Variants in FAM184B observed in about 807,000 individuals in gnomAD.
The protein encoded by FAM184B is family with sequence similarity 184 member B, also known as protein FAM184B.
A neutral mutation model predicts 135.9 loss-of-function variants in FAM184B; 111 were observed. The ratio of observed to expected loss-of-function variants is 0.82; its 90% CI spans 0.70 to 0.96. The LOEUF (loss-of-function observed/expected upper bound fraction) is 0.96, where lower values mean the gene tolerates loss of function less well. Ranked by LOEUF, FAM184B falls within the 40% of genes least tolerant of loss-of-function variation. The pLI is 0.00. For synonymous variants in FAM184B, 552 were observed against 524.8 expected (o/e 1.05, Z -0.71); for missense variants, 1,375 against 1,323.9 (o/e 1.04, Z -0.60).
intron 1 of FAM184B, among the ~76,000 whole-genome samples, chr4:17,720,464 T>A (rs1395800033): frequency 6.6e-6 from 1 of 152,170 alleles, no homozygotes; most frequent in African/African-American, 2.4e-5. Context: ...TTCATGCTCA[T>A]TAGAATGGCT....
intron 13 of FAM184B, among the ~76,000 whole-genome samples, chr4:17,640,467 G>A (rs1453362751): frequency 7.1e-6 from 1 of 140,004 alleles, no homozygotes; most frequent in Non-Finnish European, 1.5e-5. Context: ...CTGGGCAAAA[G>A]AGCAAGACTG....
chr4:17,730,830 A>T (rs1717758528), intron 1 of FAM184B, among the ~76,000 whole-genome samples: 1 of 152,170 alleles, frequency 6.6e-6, no homozygotes, highest in Admixed American at 6.5e-5. Flanking sequence ...AAGAAGTTAA[A>T]AACTTTGAAA....
chr4:17,672,210 C>T (rs982514909), intron 7 of FAM184B, among the ~76,000 whole-genome samples: 1 of 151,940 alleles, frequency 6.6e-6, no homozygotes, highest in Non-Finnish European at 1.5e-5. Flanking sequence ...CATTTTCCAG[C>T]AGAAAACTTG....
Position 17,659,599 on chromosome 4 carries a change from G to T in FAM184B, c.1824+359C>A, listed in dbSNP as rs568519313. Among the ~76,000 whole-genome samples the T allele has an allele frequency of 2.0e-5, 3 of 152,174 alleles. No homozygotes were observed. In the South Asian group the frequency reaches 6.2e-4, roughly 32 times the overall value. On this transcript the variant is annotated intron_variant, in intron 9 of 17. Transcript: ENST00000265018. ...CCTCCCAGGTTCAAGCAATTCTCCTGCCTCAGCCTCCCGAGTAGCTGGGAT... is the reference window on the plus strand; with the variant it reads ...CCTCCCAGGTTCAAGCAATTCTCCTTCCTCAGCCTCCCGAGTAGCTGGGAT...
chr4:17,773,271 A>G (rs938001208), intron 1 of FAM184B, among the ~76,000 whole-genome samples: 29 of 152,232 alleles, frequency 1.9e-4, no homozygotes, highest in African/African-American at 6.8e-4. Flanking sequence ...TTTGCAAAGT[A>G]TGCAAAACTA....
rs1248002490 is a variant in FAM184B, at chr4:17,632,591, C to T, written c.3124G>A (p.Val1042Ile). Residue 1042 changes from valine to isoleucine, a missense_variant, in exon 18 of 18, where the codon GTC becomes ATC. Physicochemically the swap from Val to Ile is conservative, Grantham distance 29. Coordinates refer to ENST00000265018, the MANE Select transcript of FAM184B (RefSeq NM_015688.2). Reference sequence around the variant, plus strand: ...TGCGGAGAGCCCTGTTTCTGCTGGACTTCTTTGGCTTGGGCCGTTTCACCA... The same window carrying T: ...TGCGGAGAGCCCTGTTTCTGCTGGATTTCTTTGGCTTGGGCCGTTTCACCA... ...PDGETAQAKE[V>I]QQKQGSPHQE... 6.4e-7 allele frequency: 1 copy of T among 1,551,174 alleles called. No homozygotes were observed. Among genetic ancestry groups the T allele is most frequent in the South Asian group, 1.2e-5 (1 of 84,052 alleles).
At chr4:17,758,777 A>G (rs1718479053) in intron 1 of FAM184B, among the ~76,000 whole-genome samples, 1 of 152,128 alleles carries the variant, frequency 6.6e-6, no homozygotes, top group African/African-American at 2.4e-5. Context: ...CCCCCTTCCC[A>G]CAGCACTCTG....
intron 1 of FAM184B, among the ~76,000 whole-genome samples, chr4:17,748,505 A>ATT (rs34998803): frequency 0.016 from 1,552 of 98,476 alleles, 133 homozygotes; most frequent in African/African-American, 0.047. Flanking sequence ...CTCTTGTGTA[A>ATT]TTTTTTTTTT....
chr4:17,705,238 C>T (rs1340987362), intron 4 of FAM184B, 32 bp from the exon 5 acceptor site: 1 of 1,508,932 alleles, frequency 6.6e-7, no homozygotes, highest in African/African-American at 1.4e-5. Context: ...TGTAAAACCA[C>T]TGGGGAGGGG....
intron 7 of FAM184B, among the ~76,000 whole-genome samples, chr4:17,665,642 G>A (rs1006951121): frequency 9.2e-5 from 14 of 152,174 alleles, no homozygotes; most frequent in African/African-American, 3.1e-4. Flanking sequence ...GGTAGGAAGG[G>A]GCAGAGCTGA....
Position 17,659,737 on chromosome 4 carries a change from C to T in FAM184B, c.1824+221G>A, listed in dbSNP as rs542007042. Among the ~76,000 whole-genome samples the T allele has an allele frequency of 7.9e-5, 12 of 152,282 alleles. No individual in the cohort carries two copies. In the South Asian group the frequency reaches 1.9e-3, roughly 24 times the overall value. ...CTGACCTCAAGTGATCTGCCCCCCT[C>T]GGCCTCCCAAAGTGCTGAGATTACA... On this transcript the variant is annotated intron_variant, in intron 9 of 17. Coordinates refer to ENST00000265018, the MANE Select transcript of FAM184B (RefSeq NM_015688.2).
intron 11 of FAM184B, among the ~76,000 whole-genome samples, chr4:17,651,194 T>C (rs969254344): frequency 2.6e-5 from 4 of 152,100 alleles, no homozygotes; most frequent in Non-Finnish European, 5.9e-5. Context: ...GGGACAGGGA[T>C]GATCTACAAA....
rs1716479232 is a variant in FAM184B at position 17,682,733 on chromosome 4, A to T, written c.1596+5691T>A. ...AGGCTGGTCTTGAACTCCTGGCCTC[A>T]AGTGATCCACCTGCCTCCGTCTCTC... On this transcript the variant is annotated intron_variant, in intron 7 of 17. Coordinates refer to ENST00000265018, the MANE Select transcript of FAM184B (RefSeq NM_015688.2). 2.0e-5 allele frequency among the ~76,000 whole-genome samples: 3 copies of T among 152,240 alleles called. No homozygotes were observed. The South Asian group carries it at 6.2e-4, about 32-fold the overall frequency.
intron 1 of FAM184B, among the ~76,000 whole-genome samples, chr4:17,721,549 AG>A (rs1204613709): frequency 6.6e-6 from 1 of 152,122 alleles, no homozygotes; most frequent in Admixed American, 6.5e-5. Context: ...AGTAGCGCAA[AG>A]GCATGGCATA....
chr4:17,651,342 C>CCT (rs1332583460), intron 11 of FAM184B, among the ~76,000 whole-genome samples: 1 of 151,824 alleles, frequency 6.6e-6, no homozygotes, highest in Non-Finnish European at 1.5e-5. Context: ...TCGAGACCAT[C>CCT]CTGGCTAACA....
At chr4:17,775,245 GT>G (rs1718903011) in intron 1 of FAM184B, among the ~76,000 whole-genome samples, 1 of 151,986 alleles carries the variant, frequency 6.6e-6, no homozygotes, top group South Asian at 2.1e-4. Context: ...GAGTGTAGTG[GT>G]GCTGTCTTGG....
intron 1 of FAM184B, among the ~76,000 whole-genome samples, chr4:17,732,217 C>T (rs1233737176): frequency 6.6e-6 from 1 of 152,102 alleles, no homozygotes; most frequent in African/African-American, 2.4e-5. Context: ...GCACTAAATG[C>T]CCACAAGAGA....
At chr4:17,714,554 A>G (rs937049989) in intron 1 of FAM184B, among the ~76,000 whole-genome samples, 2 of 152,088 alleles carry the variant, frequency 1.3e-5, no homozygotes, top group African/African-American at 2.4e-5. Context: ...ACATCTTGGC[A>G]TTTATCTGTA....
intron 7 of FAM184B, among the ~76,000 whole-genome samples, chr4:17,673,338 T>C (rs143563165): frequency 0.031 from 4,670 of 152,166 alleles, 217 homozygotes; most frequent in African/African-American, 0.11. Context: ...AGTACAACCA[T>C]TATGGAAAAC....
Sources: gnomAD v4.1 joint callset for allele counts (sites outside exome capture counted in the v4.1 genomes callset) on GRCh38, gnomAD v4.1.1 for gene constraint, MANE v1.5 for transcripts, NCBI Gene and HGNC (gene_info 2026-07-23, HGNC 2026-07-21) for gene names.